Variants in RIMS2 observed in about 807,000 individuals in gnomAD.
The protein encoded by RIMS2 is regulating synaptic membrane exocytosis protein 2.
In RIMS2, 59 loss-of-function variants were observed where a neutral mutation model predicts 174.4. That is an observed-to-expected ratio of 0.34 (90% CI 0.27 to 0.42). RIMS2 has a LOEUF of 0.42. RIMS2 is among the 10% of genes least tolerant of loss of function. The probability of loss-of-function intolerance (pLI) is 1.00; values close to 1 mark genes in which losing one functional copy is unlikely to be tolerated. For synonymous variants in RIMS2, 606 were observed against 572.5 expected, an observed-to-expected ratio of 1.06 and a Z score of -0.84; for missense variants, 1,620 against 1,666.3, an observed-to-expected ratio of 0.97 and a Z score of 0.48.
intron 19 of RIMS2, among the ~76,000 whole-genome samples, chr8:104,063,979 C>T (rs1203886539): frequency 2.0e-5 from 3 of 152,084 alleles, no homozygotes; most frequent in Non-Finnish European, 4.4e-5. Flanking sequence ...GAAGGTATAT[C>T]GATGATCTTT....
chr8:103,874,066 G>T (rs988613402), intron 3 of RIMS2, among the ~76,000 whole-genome samples: 5 of 152,036 alleles, frequency 3.3e-5, no homozygotes, highest in African/African-American at 1.2e-4. Flanking sequence ...AAGCGACCTA[G>T]AACCTAATTT....
chr8:103,786,944 T>G (rs2098449684), intron 3 of RIMS2, among the ~76,000 whole-genome samples: 1 of 151,756 alleles, frequency 6.6e-6, no homozygotes, highest in South Asian at 2.1e-4. Context: ...GCTCTATGAA[T>G]CTGGGTGCTC....
At chr8:103,841,880 G>A (rs1180033277) in intron 3 of RIMS2, among the ~76,000 whole-genome samples, 3 of 151,964 alleles carry the variant, frequency 2.0e-5, no homozygotes, top group East Asian at 1.9e-4. Context: ...GCTAGAACCC[G>A]GGAGGCAGAG....
At chr8:103,643,292 T>C (rs541301281) in intron 1 of RIMS2, among the ~76,000 whole-genome samples, 1 of 152,228 alleles carries the variant, frequency 6.6e-6, no homozygotes, top group African/African-American at 2.4e-5. Flanking sequence ...TCTTTGCTCA[T>C]AGTACCGGTG....
At chr8:103,751,757 G>A (rs1433412905) in intron 2 of RIMS2, among the ~76,000 whole-genome samples, 2 of 150,764 alleles carry the variant, frequency 1.3e-5, no homozygotes, top group African/African-American at 4.9e-5. Flanking sequence ...TCTGAGAAGT[G>A]TCTGTTCATG....
At chr8:103,751,664 T>C (rs1356153182) in intron 2 of RIMS2, among the ~76,000 whole-genome samples, 1 of 151,538 alleles carries the variant, frequency 6.6e-6, no homozygotes, top group African/African-American at 2.4e-5. Flanking sequence ...TGATATCTCA[T>C]TGTGGTTTTG....
chr8:103,796,869 G>T (rs1464595106), intron 3 of RIMS2, among the ~76,000 whole-genome samples: 9 of 152,170 alleles, frequency 5.9e-5, no homozygotes, highest in African/African-American at 1.4e-4. Context: ...ACTCCAGGGG[G>T]CACAATTCAC....
chr8:104,027,371 G>A (rs2096277921), intron 19 of RIMS2, among the ~76,000 whole-genome samples: 1 of 151,570 alleles, frequency 6.6e-6, no homozygotes, highest in African/African-American at 2.4e-5. Context: ...ATTTACTTTT[G>A]TTTCCCTTTT....
intron 9 of RIMS2, among the ~76,000 whole-genome samples, chr8:103,920,499 C>A (rs2077401785): frequency 6.6e-6 from 1 of 152,050 alleles, no homozygotes; most frequent in Admixed American, 6.6e-5. Context: ...ACTTCTAATC[C>A]CAAGGCTTGC....
chr8:103,597,838 A>G (rs1294429853), intron 1 of RIMS2, among the ~76,000 whole-genome samples: 1 of 152,114 alleles, frequency 6.6e-6, no homozygotes, highest in Admixed American at 6.6e-5. Flanking sequence ...ACCGTGGGTC[A>G]TGAAATCAAT....
At chr8:104,025,559 T>C (rs954945979) in intron 19 of RIMS2, among the ~76,000 whole-genome samples, 13 of 152,172 alleles carry the variant, frequency 8.5e-5, no homozygotes, top group African/African-American at 3.1e-4. Context: ...GCATAATAAT[T>C]ACTATATAAA....
At chr8:103,836,405 G>GA (rs1240332642) in intron 3 of RIMS2, among the ~76,000 whole-genome samples, 2 of 151,620 alleles carry the variant, frequency 1.3e-5, no homozygotes, top group Admixed American at 6.6e-5. Flanking sequence ...AGGAAAGAAA[G>GA]AAAAAAAATA....
chr8:103,662,967 G>A (rs941632081), intron 1 of RIMS2, among the ~76,000 whole-genome samples: 1 of 151,990 alleles, frequency 6.6e-6, no homozygotes, highest in Non-Finnish European at 1.5e-5. Flanking sequence ...TCAGGAGTTC[G>A]AGACTAGCCT....
intron 19 of RIMS2, among the ~76,000 whole-genome samples, chr8:104,171,183 A>G (rs925834016): frequency 5.9e-5 from 9 of 152,108 alleles, no homozygotes; most frequent in African/African-American, 1.9e-4. Context: ...AGATGTCCAG[A>G]TCTCTAGCAA....
At chr8:103,631,369 A>G (rs1369363045) in intron 1 of RIMS2, among the ~76,000 whole-genome samples, 2 of 152,212 alleles carry the variant, frequency 1.3e-5, no homozygotes, top group Admixed American at 6.5e-5. Flanking sequence ...TTAACCCAGT[A>G]TCATTTATTG....
chr8:103,598,633 C>T (rs2094566701), intron 1 of RIMS2, among the ~76,000 whole-genome samples: 2 of 152,108 alleles, frequency 1.3e-5, no homozygotes, highest in African/African-American at 2.4e-5. Context: ...TGGCGAAGGA[C>T]ATTATTATTT....
intron 19 of RIMS2, among the ~76,000 whole-genome samples, chr8:104,065,833 G>T (rs1488561006): frequency 2.0e-5 from 3 of 152,120 alleles, no homozygotes; most frequent in East Asian, 3.8e-4. Flanking sequence ...ATTTGTTTGA[G>T]ATTGTAATTT....
At chr8:103,986,057 T>C (rs1185716177) in intron 16 of RIMS2, among the ~76,000 whole-genome samples, 1 of 152,170 alleles carries the variant, frequency 6.6e-6, no homozygotes, top group Non-Finnish European at 1.5e-5. Flanking sequence ...AGTTAATATA[T>C]ACTTGAAAAT....
chr8:103,928,373 A>T (rs770233782), intron 11 of RIMS2, among the ~76,000 whole-genome samples: 1 of 151,538 alleles, frequency 6.6e-6, no homozygotes, highest in South Asian at 2.1e-4. Context: ...TACACATATT[A>T]TATATAAGGT....
Sources: gnomAD v4.1 joint callset for allele counts (sites outside exome capture counted in the v4.1 genomes callset) on GRCh38, gnomAD v4.1.1 for gene constraint, MANE v1.5 for transcripts, NCBI Gene and HGNC (gene_info 2026-07-23, HGNC 2026-07-21) for gene names.